The following UIMC1 variants were observed in gnomAD, a reference collection of about 807,000 sequenced individuals.
UIMC1 encodes the protein BRCA1-A complex subunit RAP80.
Under a neutral mutation model 84.9 loss-of-function variants are expected in UIMC1, and 42 were observed. The ratio of observed to expected loss-of-function variants is 0.49; its 90% CI spans 0.39 to 0.64. The LOEUF (loss-of-function observed/expected upper bound fraction) is 0.64. UIMC1 is among the 30% of genes least tolerant of loss of function. The pLI is 0.00. For missense variants in UIMC1, 825 were observed against 847.6 expected (o/e 0.97, Z 0.33); for synonymous variants, 281 against 293.0 (o/e 0.96, Z 0.42).
upstream of UIMC1, among the ~76,000 whole-genome samples, chr5:177,011,103 A>G (rs1775539320): frequency 3.9e-5 from 6 of 151,976 alleles, no homozygotes; most frequent in South Asian, 1.2e-3. Context: ...AGGTGGGAGG[A>G]TAGCTTGAGC....
chr5:177,001,088 A>T (rs1383049453), intron 1 of UIMC1, among the ~76,000 whole-genome samples: 1 of 152,154 alleles, frequency 6.6e-6, no homozygotes, highest in African/African-American at 2.4e-5. Context: ...TGCCCAGACC[A>T]ATGTCCTAGA....
At chr5:176,942,899 A>C (rs1764617405) in intron 10 of UIMC1, among the ~76,000 whole-genome samples, 1 of 151,894 alleles carries the variant, frequency 6.6e-6, no homozygotes, top group Admixed American at 6.6e-5. Context: ...TACTGAAAAA[A>C]AGTACAAAAA....
At chr5:176,963,505 A>G (rs1401418539) in intron 6 of UIMC1, among the ~76,000 whole-genome samples, 1 of 149,496 alleles carries the variant, frequency 6.7e-6, no homozygotes, top group Non-Finnish European at 1.5e-5. Context: ...TGGGTGACAG[A>G]GTGAAACTCC....
chr5:176,979,444 T>C (rs1390077149), intron 2 of UIMC1, among the ~76,000 whole-genome samples: 1 of 152,016 alleles, frequency 6.6e-6, no homozygotes, highest in Non-Finnish European at 1.5e-5. Context: ...TCATCTCTAC[T>C]AAAAATACAA....
At chr5:176,938,571 T>C (rs376235065) in intron 10 of UIMC1, among the ~76,000 whole-genome samples, 3 of 152,154 alleles carry the variant, frequency 2.0e-5, no homozygotes, top group Non-Finnish European at 2.9e-5. Flanking sequence ...CTCCCTCTCA[T>C]AGGGCCTGAA....
At chr5:176,939,908 T>C (rs1764206671) in intron 10 of UIMC1, among the ~76,000 whole-genome samples, 1 of 152,186 alleles carries the variant, frequency 6.6e-6, no homozygotes, top group Non-Finnish European at 1.5e-5. Flanking sequence ...GGACTTTCTA[T>C]TATATCAAAA....
At chr5:176,988,679 ATTTTTTTTT>A (rs377752493) in intron 1 of UIMC1, among the ~76,000 whole-genome samples, 1 of 135,774 alleles carries the variant, frequency 7.4e-6, no homozygotes, top group Non-Finnish European at 1.6e-5. Context: ...TGTTAGGTGA[ATTTTTTTTT>A]TTTTTTTTTT....
chr5:176,986,409 C>CT (rs1269686277), intron 1 of UIMC1, among the ~76,000 whole-genome samples: 1 of 146,304 alleles, frequency 6.8e-6, no homozygotes, highest in Non-Finnish European at 1.5e-5. Context: ...TGGTGAGCAC[C>CT]TACAGTCCCA....
At chr5:176,981,391 G>A (rs1419677840) in intron 2 of UIMC1, among the ~76,000 whole-genome samples, 2 of 152,018 alleles carry the variant, frequency 1.3e-5, no homozygotes, top group Non-Finnish European at 2.9e-5. Context: ...TGATCCACTC[G>A]CCTCGGCCTC....
At chr5:177,003,591 T>C (rs1304339160) in intron 1 of UIMC1, among the ~76,000 whole-genome samples, 1 of 152,074 alleles carries the variant, frequency 6.6e-6, no homozygotes, top group Non-Finnish European at 1.5e-5. Flanking sequence ...AAGCAGAGAT[T>C]GCAGTGAGCC....
intron 2 of UIMC1, among the ~76,000 whole-genome samples, chr5:176,980,603 T>A (rs762483741): frequency 1.1e-4 from 17 of 152,220 alleles, no homozygotes; most frequent in Admixed American, 6.5e-4. Context: ...AGTGTACATT[T>A]TCATTTCATA....
chr5:176,978,625 A>G (rs953810492), intron 2 of UIMC1, among the ~76,000 whole-genome samples: 10 of 152,202 alleles, frequency 6.6e-5, no homozygotes, highest in African/African-American at 1.7e-4. Flanking sequence ...CTCCTAAATA[A>G]TATATTGAGA....
At chr5:176,925,158 A>G (rs1216739949) in intron 10 of UIMC1, among the ~76,000 whole-genome samples, 1 of 152,198 alleles carries the variant, frequency 6.6e-6, no homozygotes, top group Non-Finnish European at 1.5e-5. Flanking sequence ...TCTCAATAAT[A>G]AAAAGCCACA....
intron 1 of UIMC1, among the ~76,000 whole-genome samples, chr5:176,989,656 C>CAAAA (rs57582576): frequency 7.4e-6 from 1 of 134,734 alleles, no homozygotes; most frequent in Admixed American, 7.4e-5. Context: ...GACCCTGCCT[C>CAAAA]AAAAAAAAAA....
intron 3 of UIMC1, among the ~76,000 whole-genome samples, chr5:176,972,317 G>A (rs966295047): frequency 2.0e-5 from 3 of 151,962 alleles, no homozygotes; most frequent in Non-Finnish European, 2.9e-5. Flanking sequence ...CAGGAGAATG[G>A]CGTGAACCCT....
At chr5:176,983,828 CGCCTCTGCCCGGCT>C (rs1438239404) in intron 1 of UIMC1, among the ~76,000 whole-genome samples, 1 of 148,650 alleles carries the variant, frequency 6.7e-6, no homozygotes. Context: ...ATGTGAGGAG[CGCCTCTGCCCGGCT>C]GCCCCGTCTG....
intron 1 of UIMC1, among the ~76,000 whole-genome samples, chr5:177,003,377 G>A (rs576151192): frequency 4.6e-5 from 7 of 152,290 alleles, no homozygotes; most frequent in South Asian, 4.1e-4. Flanking sequence ...AAGGTAGGCC[G>A]GGCGCGGTGG....
At chr5:177,020,761 A>C (rs1182186434) in intron 1 of UIMC1, among the ~76,000 whole-genome samples, 1 of 152,066 alleles carries the variant, frequency 6.6e-6, no homozygotes, top group Non-Finnish European at 1.5e-5. Flanking sequence ...ACTCTCCTCC[A>C]CTACAATAAA....
At chr5:176,997,027 C>A (rs888977197) in intron 1 of UIMC1, among the ~76,000 whole-genome samples, 4 of 152,058 alleles carry the variant, frequency 2.6e-5, no homozygotes, top group Non-Finnish European at 4.4e-5. Flanking sequence ...TATGTGCACG[C>A]GTGCGCACAC....
Sources: gnomAD v4.1 joint callset for allele counts (sites outside exome capture counted in the v4.1 genomes callset) on GRCh38, gnomAD v4.1.1 for gene constraint, MANE v1.5 for transcripts, NCBI Gene and HGNC (gene_info 2026-07-23, HGNC 2026-07-21) for gene names.